TBL1Y: variants seen among roughly 807,000 people sequenced by gnomAD.
The protein encoded by TBL1Y is F-box-like/WD repeat-containing protein TBL1Y.
Under a neutral mutation model 12.0 loss-of-function variants are expected in TBL1Y, and 15 were observed. The observed-to-expected ratio is 1.25, with a 90% CI of 0.83 to 1.92. The LOEUF is 1.92. TBL1Y is among the 40% of genes most tolerant of loss of function. TBL1Y has a pLI of 0.00. For synonymous variants in TBL1Y, 53 were observed against 42.6 expected, an observed-to-expected ratio of 1.24 and a Z score of -0.95; for missense variants, 148 against 116.7, an observed-to-expected ratio of 1.27 and a Z score of -1.24.
At chrY:6,924,561 C>A (rs2011812161) in intron 2 of TBL1Y, among the ~76,000 whole-genome samples, 1 of 23,581 alleles carries the variant, frequency 4.2e-5, no homozygotes, top group East Asian at 1.1e-3. Flanking sequence ...ACACTCCAGT[C>A]TGGGCGACAG....
intron 7 of TBL1Y, among the ~76,000 whole-genome samples, chrY:7,050,486 C>T: frequency 1.4e-4 from 1 of 7,000 alleles, no homozygotes; most frequent in Non-Finnish European, 2.5e-4. Context: ...ATGCAAGAGA[C>T]TCTGTCTCAA....
At chrY:6,921,850 T>G in intron 2 of TBL1Y, among the ~76,000 whole-genome samples, 1 of 33,823 alleles carries the variant, frequency 3.0e-5, no homozygotes, top group Non-Finnish European at 7.3e-5. Flanking sequence ...TGCAGTATTC[T>G]TTTTTTGAGA....
At chrY:7,022,490 G>A in intron 5 of TBL1Y, among the ~76,000 whole-genome samples, 2 of 33,321 alleles carry the variant, frequency 6.0e-5, no homozygotes, top group Non-Finnish European at 1.5e-4. Flanking sequence ...TTAAATATTT[G>A]AAAGGTGTTG....
chrY:6,933,498 T>G, intron 2 of TBL1Y, among the ~76,000 whole-genome samples: 1 of 33,418 alleles, frequency 3.0e-5, no homozygotes, highest in African/African-American at 1.2e-4. Flanking sequence ...GTTTTTGTGT[T>G]AACAGTAGGA....
At chrY:7,065,799 T>C in intron 8 of TBL1Y, among the ~76,000 whole-genome samples, 1 of 33,717 alleles carries the variant, frequency 3.0e-5, no homozygotes, top group Non-Finnish European at 7.3e-5. Context: ...GACTATGCAG[T>C]GACATGGGGC....
chrY:7,080,226 C>G, intron 13 of TBL1Y, among the ~76,000 whole-genome samples: 1 of 30,299 alleles, frequency 3.3e-5, no homozygotes, highest in East Asian at 8.6e-4. Flanking sequence ...AGGCGTGTGC[C>G]ACCACACCTG....
chrY:6,993,256 T>TCTTTCTTC (rs2012385145), intron 3 of TBL1Y, among the ~76,000 whole-genome samples: 1 of 29,011 alleles, frequency 3.4e-5, no homozygotes, highest in East Asian at 8.8e-4. Flanking sequence ...TTTCTTTCTT[T>TCTTTCTTC]CTTTTTGTAG....
intron 2 of TBL1Y, among the ~76,000 whole-genome samples, chrY:6,932,855 C>A (rs2011874106): frequency 6.1e-5 from 2 of 32,770 alleles, no homozygotes; most frequent in African/African-American, 2.4e-4. Context: ...CAGCCCCAGG[C>A]CACCACAAAT....
intron 7 of TBL1Y, among the ~76,000 whole-genome samples, chrY:7,054,709 G>A: frequency 2.9e-5 from 1 of 34,207 alleles, no homozygotes; most frequent in Non-Finnish European, 7.3e-5. Context: ...TCAGGCTAAA[G>A]GCTTGCCATT....
At chrY:7,056,289 C>A (rs113167428) in intron 7 of TBL1Y, among the ~76,000 whole-genome samples, 2 of 33,521 alleles carry the variant, frequency 6.0e-5, no homozygotes, top group African/African-American at 2.3e-4. Flanking sequence ...GATGGACTTC[C>A]AATCCAGGCC....
At chrY:7,018,760 A>G (rs2012566949) in intron 4 of TBL1Y, among the ~76,000 whole-genome samples, 1 of 33,255 alleles carries the variant, frequency 3.0e-5, no homozygotes, top group Non-Finnish European at 7.4e-5. Flanking sequence ...CAGTAGTGGA[A>G]CACCCAGGGT....
intron 7 of TBL1Y, among the ~76,000 whole-genome samples, chrY:7,048,037 G>A (rs2012771621): frequency 3.1e-5 from 1 of 32,600 alleles, no homozygotes; most frequent in Non-Finnish European, 7.5e-5. Flanking sequence ...GGGATTACAG[G>A]TGTGAGCCAC....
intron 16 of TBL1Y, among the ~76,000 whole-genome samples, chrY:7,087,051 CAT>C (rs2013143461): frequency 1.4e-4 from 2 of 14,459 alleles, no homozygotes; most frequent in Middle Eastern, 0.023. Flanking sequence ...TTTTATATAT[CAT>C]ATATATTTTA....
intron 2 of TBL1Y, among the ~76,000 whole-genome samples, chrY:6,956,443 G>A (rs2012069737): frequency 3.0e-5 from 1 of 33,076 alleles, no homozygotes; most frequent in Admixed American, 2.8e-4. Flanking sequence ...TGTTATTAAT[G>A]AAACCAGGTC....
chrY:7,001,160 C>A (rs2012447585), intron 4 of TBL1Y, among the ~76,000 whole-genome samples: 1 of 32,152 alleles, frequency 3.1e-5, no homozygotes, highest in East Asian at 8.3e-4. Flanking sequence ...TGCAGCCCAG[C>A]GTGTCAGTAG....
chrY:6,913,357 C>T (rs3860033), intron 2 of TBL1Y, among the ~76,000 whole-genome samples: 207 of 32,098 alleles, frequency 6.4e-3, no homozygotes, highest in Admixed American at 0.015. Context: ...AGTGGAGGCT[C>T]GGTTTTCTCA....
intron 4 of TBL1Y, among the ~76,000 whole-genome samples, chrY:7,004,307 A>G (rs780114801): frequency 5.9e-3 from 199 of 33,705 alleles, no homozygotes; most frequent in Non-Finnish European, 0.013. Context: ...TACATTTTTT[A>G]TTTTAGTTAA....
At chrY:7,020,163 G>T in intron 4 of TBL1Y, among the ~76,000 whole-genome samples, 1 of 33,312 alleles carries the variant, frequency 3.0e-5, no homozygotes, top group African/African-American at 1.2e-4. Flanking sequence ...TCATAGCTTC[G>T]CTGGTAGACT....
chrY:6,911,760 G>T (rs1047832399), intron 1 of TBL1Y, among the ~76,000 whole-genome samples: 5 of 34,166 alleles, frequency 1.5e-4, no homozygotes, highest in Admixed American at 5.2e-4. Context: ...CACGGAGGGG[G>T]CGGGGCCGTC....
Sources: allele counts gnomAD v4.1 joint callset (sites outside exome capture counted in the v4.1 genomes callset), GRCh38; gene constraint gnomAD v4.1.1; transcripts MANE v1.5; gene names NCBI Gene and HGNC (gene_info 2026-07-23, HGNC 2026-07-21).